The following EEA1 variants were observed in gnomAD, a reference collection of about 807,000 sequenced individuals.
EEA1 encodes the protein early endosome antigen 1.
In EEA1, 111 loss-of-function variants were observed where a neutral mutation model predicts 209.2. The observed-to-expected ratio is 0.53, with a 90% CI of 0.45 to 0.62. EEA1 has a LOEUF of 0.62. Ranked by LOEUF, EEA1 falls within the 20% of genes least tolerant of loss-of-function variation. The pLI is 0.00. For synonymous variants in EEA1, 536 were observed against 540.6 expected, an observed-to-expected ratio of 0.99 and a Z score of 0.12; for missense variants, 1,343 against 1,530.8, an observed-to-expected ratio of 0.88 and a Z score of 2.05.
intron 1 of EEA1, among the ~76,000 whole-genome samples, chr12:92,907,423 C>T (rs1018603431): frequency 6.6e-6 from 1 of 152,210 alleles, no homozygotes; most frequent in African/African-American, 2.4e-5. Flanking sequence ...CCATCACACA[C>T]TCATTTTGCC....
In EEA1 at chr12:92,780,399, T is replaced by C. The variant is rs149503293; in HGVS notation, c.3349A>G (p.Lys1117Glu). 2.7e-4 allele frequency: 413 copies of C among 1,530,812 alleles called. No individual in the cohort carries two copies. Among genetic ancestry groups the C allele is most frequent in the Non-Finnish European group, 3.5e-4 (399 of 1,129,908 alleles). 94.8% of individuals were successfully genotyped at this position (1,530,812 alleles called of 1,614,324 possible). A position where few individuals can be genotyped will look rare whatever the true frequency, so the allele number is the denominator to read the frequency against. Residue 1117 changes from lysine to glutamate, a missense_variant, in exon 24 of 29, where the codon AAA becomes GAA. Coordinates refer to ENST00000322349, the MANE Select transcript of EEA1 (RefSeq NM_003566.4). ...TTAGACTTCTCATTTACCAGTTCTT[T>C]TTCTTTCAGTGACTGTAGAAAAATG... ...DIQKEKSLKEKELVNEKSKLA... is the reference protein window; with the variant it reads ...DIQKEKSLKEEELVNEKSKLA...
chr12:92,901,054 C>T (rs545705646), intron 1 of EEA1, among the ~76,000 whole-genome samples: 2 of 152,196 alleles, frequency 1.3e-5, no homozygotes, highest in South Asian at 2.1e-4. Context: ...CTTCACACTA[C>T]GATGGTATTA....
intron 16 of EEA1, among the ~76,000 whole-genome samples, chr12:92,811,646 A>G (rs1242609080): frequency 6.6e-6 from 1 of 152,172 alleles, no homozygotes; most frequent in Non-Finnish European, 1.5e-5. Context: ...TCCTAAGTTT[A>G]TATGTATAAC....
At chr12:92,890,426 C>T (rs1221321419) in intron 2 of EEA1, among the ~76,000 whole-genome samples, 1 of 151,972 alleles carries the variant, frequency 6.6e-6, no homozygotes, top group East Asian at 1.9e-4. Flanking sequence ...CTAATGGTTC[C>T]TATTTTCTCA....
intron 20 of EEA1, among the ~76,000 whole-genome samples, chr12:92,799,363 A>G (rs1428742372): frequency 5.9e-5 from 9 of 152,172 alleles, no homozygotes; most frequent in Admixed American, 5.9e-4. Context: ...TTTTTTTAAC[A>G]CTACCTTTCT....
chr12:92,887,807 G>A (rs1348727257), intron 2 of EEA1, among the ~76,000 whole-genome samples: 2 of 152,072 alleles, frequency 1.3e-5, no homozygotes, highest in African/African-American at 4.8e-5. Flanking sequence ...AAGAGCATCT[G>A]TATATCTAAT....
At chr12:92,801,815 CTAAGA>C in intron 19 of EEA1, 114 bp from the exon 20 acceptor site, 1 of 623,016 alleles carries the variant, frequency 1.6e-6, no homozygotes. Flanking sequence ...TTATGATGAG[CTAAGA>C]TGAGACAGGA....
chr12:92,842,390 TTTTA>T, intron 10 of EEA1, 71 bp downstream of exon 10: 1 of 784,084 alleles, frequency 1.3e-6, no homozygotes. Flanking sequence ...CCAATATATT[TTTTA>T]AAGTATGTAA....
chr12:92,778,535 T>C (rs1406588139), intron 25 of EEA1, among the ~76,000 whole-genome samples: 1 of 152,082 alleles, frequency 6.6e-6, no homozygotes, highest in Admixed American at 6.6e-5. Flanking sequence ...TTCCATATGC[T>C]TTCTTTTCTC....
chr12:92,838,531 A>G (rs547236649), intron 10 of EEA1, among the ~76,000 whole-genome samples: 1 of 152,356 alleles, frequency 6.6e-6, no homozygotes, highest in Admixed American at 6.5e-5. Context: ...GCAAGGATCT[A>G]GAGGTTTACT....
intron 25 of EEA1, 24 bp from the exon 26 acceptor site, chr12:92,778,203 G>T (rs1415747509): frequency 6.4e-7 from 1 of 1,574,494 alleles, no homozygotes; most frequent in Non-Finnish European, 8.7e-7. Context: ...AAAGTTGGGG[G>T]GAAATCTATT....
chr12:92,789,615 C>T (rs1874305652), intron 21 of EEA1, among the ~76,000 whole-genome samples: 1 of 152,108 alleles, frequency 6.6e-6, no homozygotes. Context: ...ACAAAGTGGC[C>T]AGGAAGCTCG....
Position 92,811,372 on chromosome 12 carries a change from T to C in EEA1, c.2106A>G (p.Glu702=). The change falls in exon 17 of 29, where the codon GAA becomes GAG. Residue 702 remains glutamate (E), a synonymous_variant. Coordinates refer to ENST00000322349, the MANE Select transcript of EEA1 (RefSeq NM_003566.4). The stretch of plus-strand genomic sequence containing the variant: ...GATGACTTTCCAGCTGACTGCAATG[T>C]TCTTGCTTGTCTTGTAACTTTGCAG... ...QVTAKLQDKQ[E]HCSQLESHLK... The C allele has an allele frequency of 3.7e-6, 6 of 1,606,524 alleles. No individual in the cohort carries two copies. Among genetic ancestry groups the C allele is most frequent in the Non-Finnish European group, 5.1e-6 (6 of 1,176,966 alleles).
Position 92,910,998 on chromosome 12 carries a change from G to A in EEA1, c.24+18045C>T, listed in dbSNP as rs138266315. On this transcript the variant is annotated intron_variant, in intron 1 of 28. Coordinates refer to ENST00000322349, the MANE Select transcript of EEA1 (RefSeq NM_003566.4). ...ACTACCACCATCAAATGCTGACAAG[G>A]ATGTGGAGAAATAGGAACAGGAATT... Among the ~76,000 whole-genome samples, 894 of 152,296 alleles carry A rather than the reference G, an allele frequency of 5.9e-3. 7 individuals are homozygous for A. The highest frequency in any genetic ancestry group is 0.021 in the African/African-American group (854 of 41,562).
At chr12:92,914,385 T>C (rs1304403658) in intron 1 of EEA1, among the ~76,000 whole-genome samples, 1 of 152,244 alleles carries the variant, frequency 6.6e-6, no homozygotes, top group South Asian at 2.1e-4. Flanking sequence ...TGTAGCCTTG[T>C]AGCATAACGT....
chr12:92,859,045 TA>T, intron 3 of EEA1: 1 of 705,310 alleles, frequency 1.4e-6, no homozygotes, highest in African/African-American at 1.8e-5. Flanking sequence ...TCAGGTCTCT[TA>T]TTCTATTGGA....
intron 2 of EEA1, among the ~76,000 whole-genome samples, chr12:92,887,447 T>C (rs1401966996): frequency 6.6e-6 from 1 of 152,006 alleles, no homozygotes; most frequent in African/African-American, 2.4e-5. Context: ...GAGTTCAAGA[T>C]CAGCCTAAGC....
chr12:92,793,708 A>G (rs898510431), intron 21 of EEA1, among the ~76,000 whole-genome samples: 8 of 152,218 alleles, frequency 5.3e-5, no homozygotes, highest in African/African-American at 1.9e-4. Context: ...CTTACTGCCC[A>G]AAGTAATTTA....
At chr12:92,884,697 G>T in intron 2 of EEA1, 1 of 1,428,124 alleles carries the variant, frequency 7.0e-7, no homozygotes, top group Non-Finnish European at 9.7e-7. Flanking sequence ...AATGGCAGAA[G>T]ATTTTAATTA....
Sources: gnomAD v4.1 joint callset for allele counts (sites outside exome capture counted in the v4.1 genomes callset) on GRCh38, gnomAD v4.1.1 for gene constraint, MANE v1.5 for transcripts, NCBI Gene and HGNC (gene_info 2026-07-23, HGNC 2026-07-21) for gene names.